Variants in QKI observed in about 807,000 individuals in gnomAD.
The protein encoded by QKI is KH domain-containing RNA-binding protein QKI.
In QKI, 10 loss-of-function variants were observed where a neutral mutation model predicts 39.0. That is an observed-to-expected ratio of 0.26 (90% CI 0.16 to 0.43). The LOEUF (loss-of-function observed/expected upper bound fraction) is 0.43, where lower values mean the gene tolerates loss of function less well. Among genes scored for constraint, QKI ranks in the 20% least tolerant of loss-of-function variants. The pLI is 1.00. For missense variants in QKI, 218 were observed against 428.0 expected (o/e 0.51, Z 4.33); for synonymous variants, 204 against 155.4 (o/e 1.31, Z -2.33).
intron 1 of QKI, among the ~76,000 whole-genome samples, chr6:163,436,350 G>T (rs1248235912): frequency 1.3e-5 from 2 of 152,158 alleles, no homozygotes; most frequent in African/African-American, 4.8e-5. Context: ...TACATAATAA[G>T]GGTATAGCTG....
chr6:163,534,514 A>G (rs1781072608), intron 3 of QKI, among the ~76,000 whole-genome samples: 1 of 152,232 alleles, frequency 6.6e-6, no homozygotes, highest in Non-Finnish European at 1.5e-5. Context: ...TTCAGTTCCT[A>G]AATTGACAGC....
intron 1 of QKI, among the ~76,000 whole-genome samples, chr6:163,442,114 T>C (rs1366749052): frequency 1.3e-5 from 2 of 152,216 alleles, no homozygotes; most frequent in African/African-American, 4.8e-5. Context: ...CTATGTGATA[T>C]TGCAACAGAT....
At chr6:163,524,015 C>G (rs1437590813) in intron 3 of QKI, among the ~76,000 whole-genome samples, 2 of 152,194 alleles carry the variant, frequency 1.3e-5, no homozygotes, top group Non-Finnish European at 2.9e-5. Context: ...TATTTGAACT[C>G]ATTCTTCAAT....
intron 1 of QKI, among the ~76,000 whole-genome samples, chr6:163,440,806 G>A (rs143217127): frequency 1.2e-4 from 18 of 151,878 alleles, no homozygotes; most frequent in African/African-American, 4.3e-4. Flanking sequence ...CAGAGTAGGT[G>A]TAAAATACAT....
chr6:163,577,255 T>A lies in QKI; in HGVS notation c.*6545T>A, dbSNP rs1777632064. The A allele has an allele frequency of 1.3e-5, 2 of 152,158 alleles. No homozygotes were observed. Among genetic ancestry groups the A allele is most frequent in the African/African-American group, 4.8e-5 (2 of 41,426 alleles). The allele number at this position is 152,158 out of a possible 1,614,324, so 9.4% of individuals were successfully genotyped here. On this transcript the variant is annotated 3_prime_UTR_variant, in exon 8 of 8. Transcript: ENST00000361752. ...GGAACCTTAGTTTTCCTCAACAGAA[T>A]GCTTTGTTAAAGTAGCCCACAGTTG... is the stretch of plus-strand genomic sequence containing the variant.
Position 163,566,834 on chromosome 6 carries a change from G to T in QKI, c.1009+39G>T, listed in dbSNP as rs546366164. The T allele has an allele frequency of 6.2e-6, 10 of 1,604,022 alleles. No homozygotes were observed. In the South Asian group the frequency reaches 1.0e-4, roughly 16 times the overall value. ...TGCAGTTCTTGTCTATAAGAAATGCGTTGGGTGTCCATAAAATTTGCAACA... is the reference window on the plus strand; with the variant it reads ...TGCAGTTCTTGTCTATAAGAAATGCTTTGGGTGTCCATAAAATTTGCAACA... On this transcript the variant is annotated intron_variant, in intron 7 of 7. Transcript: ENST00000361752.
rs199981309 is a variant in QKI at position 163,568,403 on chromosome 6, C to T, written c.1009+1608C>T. The T allele has an allele frequency of 8.8e-5, 87 of 984,638 alleles. No homozygotes were observed. In the East Asian group the frequency reaches 1.0e-3, roughly 12 times the overall value. 61.0% of individuals were successfully genotyped at this position (984,638 alleles called of 1,614,324 possible). On this transcript the variant is annotated intron_variant, in intron 7 of 7. Transcript: ENST00000361752. ...AGATTTTATTGTATTTGGAAAATTACGACACATTCCATGCATGGATCTTTT... is the reference window on the plus strand; with the variant it reads ...AGATTTTATTGTATTTGGAAAATTATGACACATTCCATGCATGGATCTTTT...
intron 4 of QKI, among the ~76,000 whole-genome samples, chr6:163,541,791 C>G (rs1781537537): frequency 6.6e-6 from 1 of 151,286 alleles, no homozygotes; most frequent in Non-Finnish European, 1.5e-5. Context: ...TTATTTTTTT[C>G]TCCCCAAATA....
intron 3 of QKI, among the ~76,000 whole-genome samples, chr6:163,483,896 A>G (rs369777518): frequency 6.6e-6 from 1 of 152,288 alleles, no homozygotes; most frequent in African/African-American, 2.4e-5. Context: ...TGTGGCAGCT[A>G]TAGGCCTATG....
intron 3 of QKI, among the ~76,000 whole-genome samples, chr6:163,533,820 C>T (rs899966721): frequency 1.1e-4 from 16 of 152,058 alleles, no homozygotes; most frequent in Non-Finnish European, 1.8e-4. Context: ...TATGTGGATG[C>T]ATTTTCATCC....
Position 163,561,889 on chromosome 6 carries a change from C to G in QKI, c.547-93C>G, listed in dbSNP as rs1251424223. On this transcript the variant is annotated intron_variant, in intron 4 of 7. Coordinates refer to ENST00000361752, the MANE Select transcript of QKI (RefSeq NM_006775.3). ...TTATTAAAACAGGTGACTGTAGTCA[C>G]ATGATACTTACTTTAAGGCTTGTGT... The G allele has an allele frequency of 4.3e-6, 4 of 933,426 alleles. No individual in the cohort carries two copies. The East Asian group carries it at 7.7e-5, about 18-fold the overall frequency. 57.8% of individuals were successfully genotyped at this position (933,426 alleles called of 1,614,324 possible).
Position 163,535,088 on chromosome 6 carries a change from G to C in QKI, c.509G>C (p.Arg170Thr). The change falls in exon 4 of 8, where the codon AGA becomes ACA. Residue 170 changes from arginine to threonine, a missense_variant. By Grantham distance (71) the Arg-to-Thr change is moderately conservative. Coordinates refer to ENST00000361752, the MANE Select transcript of QKI (RefSeq NM_006775.3). ...AACAGAGCAGAAATCAAATTGAAGA[G>C]AGCAGTTGAAGAAGTGAAGAAATTA... ...AQNRAEIKLK[R>T]AVEEVKKLLV... 6.2e-7 allele frequency: 1 copy of C among 1,608,082 alleles called. No homozygotes were observed. Among genetic ancestry groups the C allele is most frequent in the Non-Finnish European group, 8.5e-7 (1 of 1,177,324 alleles).
At chr6:163,556,283 C>T (rs1474716403) in intron 4 of QKI, among the ~76,000 whole-genome samples, 3 of 152,094 alleles carry the variant, frequency 2.0e-5, no homozygotes, top group East Asian at 1.9e-4. Flanking sequence ...GAGGCCGAGG[C>T]GGGTAGATCA....
intron 4 of QKI, among the ~76,000 whole-genome samples, chr6:163,542,013 G>A (rs1399843511): frequency 6.6e-6 from 1 of 151,868 alleles, no homozygotes; most frequent in Non-Finnish European, 1.5e-5. Context: ...AGTTCAATTT[G>A]TGATCCCAAA....
At chr6:163,473,638 T>G (rs751986541) in intron 2 of QKI, among the ~76,000 whole-genome samples, 1 of 152,102 alleles carries the variant, frequency 6.6e-6, no homozygotes, top group Non-Finnish European at 1.5e-5. Context: ...TTAGACAAAA[T>G]GGATACAACT....
intron 3 of QKI, among the ~76,000 whole-genome samples, chr6:163,532,973 G>A (rs1001066762): frequency 1.6e-4 from 24 of 151,994 alleles, no homozygotes; most frequent in African/African-American, 4.8e-4. Context: ...TTGTTGATAC[G>A]TTTTGCCAGT....
At chr6:163,442,526 G>A (rs866732831) in intron 1 of QKI, among the ~76,000 whole-genome samples, 7 of 152,264 alleles carry the variant, frequency 4.6e-5, no homozygotes, top group Admixed American at 2.6e-4. Context: ...CAGGTAGACC[G>A]GTTAGGTTAA....
intron 3 of QKI, among the ~76,000 whole-genome samples, chr6:163,492,030 A>T (rs1228034419): frequency 6.6e-6 from 1 of 152,198 alleles, no homozygotes. Context: ...TCGTTAAGGA[A>T]TATTTGAGCA....
chr6:163,507,400 A>G (rs949893472), intron 3 of QKI, among the ~76,000 whole-genome samples: 2 of 152,228 alleles, frequency 1.3e-5, no homozygotes, highest in African/African-American at 2.4e-5. Context: ...GGAACTCTGT[A>G]GGATGAGTGT....
Sources: gnomAD v4.1 joint callset for allele counts (sites outside exome capture counted in the v4.1 genomes callset) on GRCh38, gnomAD v4.1.1 for gene constraint, MANE v1.5 for transcripts, NCBI Gene and HGNC (gene_info 2026-07-23, HGNC 2026-07-21) for gene names.